SDK1: variants seen among roughly 807,000 people sequenced by gnomAD.
SDK1 encodes sidekick cell adhesion molecule 1, also known as protein sidekick-1.
Under a neutral mutation model 245.5 loss-of-function variants are expected in SDK1, and 157 were observed. The ratio of observed to expected loss-of-function variants is 0.64; its 90% confidence interval spans 0.56 to 0.73. The LOEUF (loss-of-function observed/expected upper bound fraction) is 0.73. SDK1 is among the 30% of genes least tolerant of loss of function. The probability of loss-of-function intolerance (pLI) is 0.00; values close to 1 mark genes in which losing one functional copy is unlikely to be tolerated. For missense variants in SDK1, 3,583 were observed against 3,002.3 expected (o/e 1.19, Z -4.52); for synonymous variants, 1,647 against 1,278.5 (o/e 1.29, Z -6.15).
chr7:3,505,793 C>T (rs753323910), intron 1 of SDK1, among the ~76,000 whole-genome samples: 2 of 152,162 alleles, frequency 1.3e-5, no homozygotes, highest in African/African-American at 4.8e-5. Context: ...TGAGTATGCA[C>T]ATTCTGCAGG....
chr7:3,679,939 C>G (rs956446848), intron 4 of SDK1, among the ~76,000 whole-genome samples: 2 of 152,052 alleles, frequency 1.3e-5, no homozygotes, highest in Non-Finnish European at 2.9e-5. Context: ...TGTATTGACA[C>G]AAAAATGCAC....
intron 1 of SDK1, among the ~76,000 whole-genome samples, chr7:3,495,825 T>C (rs1206130635): frequency 2.0e-5 from 3 of 152,170 alleles, no homozygotes; most frequent in Non-Finnish European, 2.9e-5. Context: ...TCCCGTGGCC[T>C]GGGTGCTCCT....
At chr7:4,193,215 T>G (rs1783327577) in intron 35 of SDK1, among the ~76,000 whole-genome samples, 1 of 131,074 alleles carries the variant, frequency 7.6e-6, no homozygotes, top group African/African-American at 2.8e-5. Flanking sequence ...TATTAATATA[T>G]ATATTGTATA....
rs74886371 is a variant in SDK1, at chr7:3,561,837, C to G, written c.299-57243C>G. 1.1e-3 allele frequency among the ~76,000 whole-genome samples: 172 copies of G among 152,310 alleles called. 2 individuals are homozygous for G. Among genetic ancestry groups the G allele is most frequent in the African/African-American group, 4.0e-3 (168 of 41,574 alleles). ...GATTTAAACAAAATTCATTATAAGA[C>G]TGGCCTTGCATTTGGAACATGTTCT... On this transcript the variant is annotated intron_variant, in intron 1 of 44. Transcript: ENST00000404826.
intron 1 of SDK1, among the ~76,000 whole-genome samples, chr7:3,374,189 G>A (rs1781296548): frequency 6.6e-6 from 1 of 152,090 alleles, no homozygotes; most frequent in Non-Finnish European, 1.5e-5. Context: ...GGAGAGCTGA[G>A]TCTGGAATCA....
Position 3,659,197 on chromosome 7 carries a change from G to A in SDK1, c.713+17092G>A, listed in dbSNP as rs370357777. On this transcript the variant is annotated intron_variant, in intron 4 of 44. Transcript: ENST00000404826. ...TTTTTTGGTGCCTTTCCTGGACTAC[G>A]TTCTGTGGGGGTAAAGAAGGGACAT... is the stretch of plus-strand genomic sequence containing the variant. 2.3e-4 allele frequency among the ~76,000 whole-genome samples: 35 copies of A among 152,034 alleles called. No individual in the cohort carries two copies. The East Asian group carries it at 4.8e-3, about 21-fold the overall frequency.
chr7:3,619,006 G>A (rs2128644633), intron 1 of SDK1, 74 bp from the exon 2 acceptor site: 2 of 1,179,774 alleles, frequency 1.7e-6, no homozygotes, highest in Non-Finnish European at 2.4e-6. Flanking sequence ...TTAAATAATA[G>A]ATTTATTAAA....
intron 1 of SDK1, among the ~76,000 whole-genome samples, chr7:3,605,257 G>C (rs777931611): frequency 1.3e-5 from 2 of 152,172 alleles, no homozygotes; most frequent in African/African-American, 2.4e-5. Context: ...GGGATATATT[G>C]TGGAATTTTA....
At chr7:3,872,071 T>C (rs1780969675) in intron 5 of SDK1, among the ~76,000 whole-genome samples, 1 of 152,200 alleles carries the variant, frequency 6.6e-6, no homozygotes, top group Non-Finnish European at 1.5e-5. Context: ...TTTTTTCTTA[T>C]TTAGTCTGTT....
intron 5 of SDK1, among the ~76,000 whole-genome samples, chr7:3,847,175 T>A (rs1471259735): frequency 6.6e-6 from 1 of 152,148 alleles, no homozygotes; most frequent in African/African-American, 2.4e-5. Context: ...CCTTTGCGAT[T>A]TCAACCTTTA....
chr7:3,809,091 T>C (rs1779321684), intron 4 of SDK1, among the ~76,000 whole-genome samples: 1 of 152,048 alleles, frequency 6.6e-6, no homozygotes, highest in South Asian at 2.1e-4. Context: ...ATCTGCAGGC[T>C]GTACAGGAAG....
intron 1 of SDK1, among the ~76,000 whole-genome samples, chr7:3,324,466 G>A (rs955331816): frequency 6.6e-6 from 1 of 152,090 alleles, no homozygotes; most frequent in East Asian, 1.9e-4. Flanking sequence ...ACAAAAAGCC[G>A]ATGTGTAAAA....
At chr7:3,571,062 C>A (rs1202983876) in intron 1 of SDK1, among the ~76,000 whole-genome samples, 2 of 151,928 alleles carry the variant, frequency 1.3e-5, no homozygotes, top group East Asian at 3.9e-4. Context: ...AAATTCGGAT[C>A]TTCATGTTGA....
chr7:3,380,472 A>G (rs547795990), intron 1 of SDK1, among the ~76,000 whole-genome samples: 1 of 152,344 alleles, frequency 6.6e-6, no homozygotes, highest in South Asian at 2.1e-4. Flanking sequence ...GCAGAATAGC[A>G]CTTACATATT....
intron 1 of SDK1, among the ~76,000 whole-genome samples, chr7:3,417,931 T>C (rs975320976): frequency 1.3e-5 from 2 of 152,082 alleles, no homozygotes; most frequent in African/African-American, 2.4e-5. Context: ...AAGTATCTTA[T>C]AAAAAGCTAG....
chr7:3,679,409 A>G (rs906507100), intron 4 of SDK1, among the ~76,000 whole-genome samples: 2 of 152,260 alleles, frequency 1.3e-5, no homozygotes, highest in African/African-American at 4.8e-5. Flanking sequence ...TACTAAAAAT[A>G]CAAAAAAATT....
In SDK1 at chr7:3,974,521, C is replaced by G. The variant is rs1383345583; in HGVS notation, c.1970C>G (p.Ser657Cys). The change falls in exon 13 of 45, where the codon TCC (serine) becomes TGC (cysteine). Residue 657 changes from serine (S) to cysteine (C), a missense_variant. Transcript: ENST00000404826. ...ATTGTTTCTGAAGGAGGGAATGACT[C>G]CAGGATGGCCCGGCTGGAAGTGATG... is the stretch of plus-strand genomic sequence containing the variant. ...CEIVSEGGND[S>C]RMARLEVIEL... The G allele has an allele frequency of 1.2e-6, 2 of 1,613,974 alleles. No homozygotes were observed. Among genetic ancestry groups the G allele is most frequent in the Non-Finnish European group, 1.7e-6 (2 of 1,180,018 alleles).
chr7:3,605,292 T>C (rs1211417607), intron 1 of SDK1, among the ~76,000 whole-genome samples: 1 of 152,244 alleles, frequency 6.6e-6, no homozygotes, highest in African/African-American at 2.4e-5. Context: ...TTTTACTGTA[T>C]AATTCTATCT....
intron 4 of SDK1, among the ~76,000 whole-genome samples, chr7:3,711,331 A>C (rs1328468798): frequency 6.6e-6 from 1 of 152,216 alleles, no homozygotes; most frequent in Non-Finnish European, 1.5e-5. Context: ...TCCTGGGCTC[A>C]CACTTCAGGG....
Sources: gnomAD v4.1 joint callset for allele counts (sites outside exome capture counted in the v4.1 genomes callset) on GRCh38, gnomAD v4.1.1 for gene constraint, MANE v1.5 for transcripts, NCBI Gene and HGNC (gene_info 2026-07-23, HGNC 2026-07-21) for gene names.